CCSER1: variants seen among roughly 807,000 people sequenced by gnomAD.
CCSER1 encodes the protein serine-rich coiled-coil domain-containing protein 1.
Under a neutral mutation model 82.0 loss-of-function variants are expected in CCSER1, and 41 were observed. The observed-to-expected ratio is 0.50, with a 90% confidence interval of 0.39 to 0.65. The LOEUF (loss-of-function observed/expected upper bound fraction) is 0.65, where lower values mean the gene tolerates loss of function less well. Ranked by LOEUF, CCSER1 falls within the 30% of genes least tolerant of loss-of-function variation. The pLI, the probability that CCSER1 is intolerant of heterozygous loss-of-function variation, is 0.00. For synonymous variants in CCSER1, 414 were observed against 383.9 expected (o/e 1.08, Z -0.92); for missense variants, 1,119 against 1,064.2 (o/e 1.05, Z -0.72).
chr4:90,755,521 G>C (rs60604680), intron 7 of CCSER1, among the ~76,000 whole-genome samples: 19,141 of 152,174 alleles, frequency 0.13, 1,558 homozygotes, highest in Non-Finnish European at 0.17. Flanking sequence ...ATGATAAAAT[G>C]CTGAAGAAGC....
chr4:91,333,477 C>T (rs1222890486), intron 10 of CCSER1, among the ~76,000 whole-genome samples: 3 of 152,020 alleles, frequency 2.0e-5, no homozygotes, highest in African/African-American at 7.2e-5. Context: ...TATTCATTTG[C>T]TATCCCTTCC....
chr4:90,182,309 A>C (rs925550706), intron 1 of CCSER1, among the ~76,000 whole-genome samples: 6 of 152,064 alleles, frequency 3.9e-5, no homozygotes, highest in African/African-American at 1.4e-4. Context: ...TATTTGACCT[A>C]AAAAATAGAA....
intron 4 of CCSER1, among the ~76,000 whole-genome samples, chr4:90,419,153 T>C (rs1756283605): frequency 6.6e-6 from 1 of 152,010 alleles, no homozygotes; most frequent in Non-Finnish European, 1.5e-5. Context: ...AATTTTCTAT[T>C]ACACTACAAT....
intron 1 of CCSER1, among the ~76,000 whole-genome samples, chr4:90,239,218 A>G (rs1205179185): frequency 6.6e-6 from 1 of 152,166 alleles, no homozygotes; most frequent in African/African-American, 2.4e-5. Context: ...GCACACTTGG[A>G]CTTTAATTAG....
chr4:91,524,146 A>G (rs980817244), intron 10 of CCSER1, among the ~76,000 whole-genome samples: 1 of 152,212 alleles, frequency 6.6e-6, no homozygotes, highest in Non-Finnish European at 1.5e-5. Flanking sequence ...TTTCACCTCA[A>G]GGTCATATGT....
chr4:90,871,610 T>C (rs1766509170), intron 8 of CCSER1, among the ~76,000 whole-genome samples: 1 of 151,884 alleles, frequency 6.6e-6, no homozygotes, highest in Non-Finnish European at 1.5e-5. Flanking sequence ...GAATTATCCA[T>C]GTGCCAAGGA....
chr4:90,644,407 A>C (rs531509081), intron 6 of CCSER1, among the ~76,000 whole-genome samples: 9 of 152,288 alleles, frequency 5.9e-5, no homozygotes, highest in African/African-American at 1.9e-4. Context: ...AAAAAGTTGT[A>C]GATTTTAGAG....
chr4:91,281,979 A>G (rs748644431), intron 10 of CCSER1, among the ~76,000 whole-genome samples: 1 of 152,178 alleles, frequency 6.6e-6, no homozygotes, highest in Non-Finnish European at 1.5e-5. Context: ...CTTTTAAAAA[A>G]TATTGGTTTT....
At chr4:91,083,275 G>A (rs563441936) in intron 9 of CCSER1, among the ~76,000 whole-genome samples, 10 of 152,238 alleles carry the variant, frequency 6.6e-5, no homozygotes, top group Admixed American at 2.0e-4. Flanking sequence ...CATGGATGAA[G>A]CTGGAAACCA....
At chr4:91,215,344 TA>T (rs1285235588) in intron 10 of CCSER1, among the ~76,000 whole-genome samples, 4 of 152,180 alleles carry the variant, frequency 2.6e-5, no homozygotes, top group Non-Finnish European at 4.4e-5. Context: ...ACATATTTAT[TA>T]ATGTATTAGG....
chr4:90,267,586 G>A (rs1336198175), intron 1 of CCSER1, among the ~76,000 whole-genome samples: 4 of 152,154 alleles, frequency 2.6e-5, no homozygotes, highest in African/African-American at 9.7e-5. Context: ...CAGTGGGGGT[G>A]ACCACAGGGG....
intron 1 of CCSER1, among the ~76,000 whole-genome samples, chr4:90,248,765 A>T (rs1721874881): frequency 6.7e-6 from 1 of 150,176 alleles, no homozygotes; most frequent in African/African-American, 2.5e-5. Flanking sequence ...TGGTGTGATC[A>T]CCGTTCACTG....
At chr4:91,374,105 A>T (rs1750230526) in intron 10 of CCSER1, among the ~76,000 whole-genome samples, 1 of 152,194 alleles carries the variant, frequency 6.6e-6, no homozygotes, top group Non-Finnish European at 1.5e-5. Context: ...TCTTCATAAC[A>T]TAAAGGAGCA....
intron 1 of CCSER1, among the ~76,000 whole-genome samples, chr4:90,294,975 A>G (rs1352950308): frequency 6.6e-6 from 1 of 151,958 alleles, no homozygotes; most frequent in African/African-American, 2.4e-5. Context: ...TCACTTACCA[A>G]TTTGATTTTA....
chr4:90,188,959 A>G (rs1408752116), intron 1 of CCSER1, among the ~76,000 whole-genome samples: 1 of 151,996 alleles, frequency 6.6e-6, no homozygotes, highest in Non-Finnish European at 1.5e-5. Flanking sequence ...GCTACACACA[A>G]TAAAGAGGAC....
intron 3 of CCSER1, among the ~76,000 whole-genome samples, chr4:90,314,477 A>G (rs1735821029): frequency 6.6e-6 from 1 of 152,204 alleles, no homozygotes; most frequent in African/African-American, 2.4e-5. Context: ...CAACTTGCTC[A>G]AAGTTGTGCC....
At chr4:91,189,020 A>C (rs1284062490) in intron 10 of CCSER1, among the ~76,000 whole-genome samples, 4 of 152,162 alleles carry the variant, frequency 2.6e-5, no homozygotes, top group Non-Finnish European at 4.4e-5. Flanking sequence ...AATATGTTAA[A>C]ATTTCAATTT....
At chr4:91,311,580 C>A (rs746658846) in intron 10 of CCSER1, among the ~76,000 whole-genome samples, 48 of 151,798 alleles carry the variant, frequency 3.2e-4, no homozygotes, top group Non-Finnish European at 6.0e-4. Context: ...GTAAATGTAA[C>A]CTTAATGTAT....
chr4:90,797,376 A>T (rs1580516571), intron 7 of CCSER1, among the ~76,000 whole-genome samples: 2 of 152,062 alleles, frequency 1.3e-5, no homozygotes, highest in Admixed American at 1.3e-4. Flanking sequence ...ACGTCATTGC[A>T]TGTGAGATTA....
Sources: gnomAD v4.1 joint callset for allele counts (sites outside exome capture counted in the v4.1 genomes callset) on GRCh38, gnomAD v4.1.1 for gene constraint, MANE v1.5 for transcripts, NCBI Gene and HGNC (gene_info 2026-07-23, HGNC 2026-07-21) for gene names.